Variants in TNFSF8 observed in about 807,000 individuals in gnomAD.
The protein encoded by TNFSF8 is TNF superfamily member 8, also known as tumor necrosis factor ligand superfamily member 8.
TNFSF8 carries 4 observed loss-of-function variants against 22.0 expected under a neutral mutation model. The observed-to-expected ratio is 0.18, with a 90% CI of 0.09 to 0.42. TNFSF8 has a LOEUF of 0.42. Ranked by LOEUF, TNFSF8 falls within the 10% of genes least tolerant of loss-of-function variation. The pLI is 1.00. For synonymous variants in TNFSF8, 106 were observed against 112.5 expected (o/e 0.94, Z 0.37); for missense variants, 233 against 281.8 (o/e 0.83, Z 1.24).
At chr9:114,923,713 T>G (rs1828022018) in intron 1 of TNFSF8, among the ~76,000 whole-genome samples, 1 of 152,102 alleles carries the variant, frequency 6.6e-6, no homozygotes, top group African/African-American at 2.4e-5. Context: ...AGACAGGATT[T>G]CGCCATGTTG....
In TNFSF8 at chr9:114,903,859, C is replaced by T; in HGVS notation, c.*72G>A. Reference sequence around the variant, plus strand: ...GTCTTGGTCTAAAGTTTTCTTTTTGCCCAAGTGTTTGGAGGGATGAAATAC... The same window carrying T: ...GTCTTGGTCTAAAGTTTTCTTTTTGTCCAAGTGTTTGGAGGGATGAAATAC... On this transcript the variant is annotated 3_prime_UTR_variant, in exon 4 of 4. Coordinates refer to ENST00000223795, the MANE Select transcript of TNFSF8 (RefSeq NM_001244.4). 6.6e-7 allele frequency: 1 copy of T among 1,521,020 alleles called. No homozygotes were observed. Among genetic ancestry groups the T allele is most frequent in the Non-Finnish European group, 8.8e-7 (1 of 1,139,832 alleles). The allele number at this position is 1,521,020 out of a possible 1,614,324, so 94.2% of individuals were successfully genotyped here.
intron 3 of TNFSF8, among the ~76,000 whole-genome samples, chr9:114,905,155 C>T (rs937308402): frequency 3.3e-5 from 5 of 152,210 alleles, no homozygotes; most frequent in Non-Finnish European, 7.3e-5. Context: ...TGCTTCCATG[C>T]TTTCCCTTTA....
exon 5 of TNFSF8, chr9:114,894,039 G>T: frequency 1.3e-6 from 2 of 1,486,650 alleles, no homozygotes; most frequent in Non-Finnish European, 1.8e-6. Context: ...AGTGACCCAG[G>T]GTAGAAGCAG....
intron 4 of TNFSF8, chr9:114,894,282 G>A (rs937920650): frequency 7.5e-6 from 6 of 797,758 alleles, no homozygotes; most frequent in Non-Finnish European, 1.2e-5. Context: ...CAATCATGCT[G>A]TCATAGTGAG....
At chr9:114,920,269 T>A (rs1827971374) in intron 1 of TNFSF8, among the ~76,000 whole-genome samples, 1 of 152,170 alleles carries the variant, frequency 6.6e-6, no homozygotes, top group South Asian at 2.1e-4. Context: ...ACCACAATCA[T>A]CAAATTCATC....
chr9:114,927,485 C>T (rs371210463), intron 1 of TNFSF8, among the ~76,000 whole-genome samples: 4 of 152,164 alleles, frequency 2.6e-5, no homozygotes, highest in East Asian at 3.8e-4. Context: ...CTAGGAGTGC[C>T]TCTCCTCTGC....
downstream of TNFSF8, among the ~76,000 whole-genome samples, chr9:114,897,547 CA>C: frequency 6.6e-6 from 1 of 152,168 alleles, no homozygotes; most frequent in Non-Finnish European, 1.5e-5. Context: ...AAGGTGACAG[CA>C]AGGCATTAAG....
rs1206651308 is a variant in TNFSF8, at chr9:114,904,167, C to T, written c.469G>A (p.Asp157Asn). The T allele has an allele frequency of 2.5e-6, 4 of 1,614,036 alleles. No homozygotes were observed. The highest frequency in any genetic ancestry group is 2.5e-6 in the Non-Finnish European group (3 of 1,179,992). The change falls in exon 4 of 4, where the codon GAT becomes AAT. Residue 157 changes from aspartate to asparagine, a missense_variant. Transcript: ENST00000223795. Reference sequence around the variant, plus strand: ...TTGATGAGAAGCTCCAACTTCAGATCGACAGAATTATTTGGGCATTGTACA... The same window carrying T: ...TTGATGAGAAGCTCCAACTTCAGATTGACAGAATTATTTGGGCATTGTACA... ...FLVQCPNNSV[D>N]LKLELLINKH...
downstream of TNFSF8, among the ~76,000 whole-genome samples, chr9:114,899,643 G>C (rs1256051141): frequency 4.6e-5 from 7 of 152,188 alleles, no homozygotes; most frequent in Admixed American, 2.0e-4. Flanking sequence ...TCAAACCTAT[G>C]CTAATGAGGG....
chr9:114,911,403 A>G (rs1318191756), intron 2 of TNFSF8, among the ~76,000 whole-genome samples: 4 of 152,186 alleles, frequency 2.6e-5, no homozygotes, highest in African/African-American at 7.2e-5. Flanking sequence ...CATCTAGAGG[A>G]CAGTCTCTCC....
chr9:114,929,564 T>A (rs189705951), intron 1 of TNFSF8, among the ~76,000 whole-genome samples: 8 of 152,190 alleles, frequency 5.3e-5, no homozygotes, highest in Admixed American at 5.2e-4. Context: ...CTCTTGGCAA[T>A]GGGTGAGGCC....
At chr9:114,897,236 T>G (rs1827665241), downstream of TNFSF8, among the ~76,000 whole-genome samples, 1 of 151,934 alleles carries the variant, frequency 6.6e-6, no homozygotes, top group South Asian at 2.1e-4. Flanking sequence ...AGGCTTTCAA[T>G]GAACATTTCC....
intron 2 of TNFSF8, among the ~76,000 whole-genome samples, chr9:114,914,745 G>C (rs1026217557): frequency 6.6e-6 from 1 of 151,994 alleles, no homozygotes; most frequent in South Asian, 2.1e-4. Flanking sequence ...AACCCAGAAA[G>C]GAGAAGGGTG....
chr9:114,911,164 GA>G (rs1827847826), intron 2 of TNFSF8, among the ~76,000 whole-genome samples: 1 of 152,234 alleles, frequency 6.6e-6, no homozygotes, highest in Non-Finnish European at 1.5e-5. Flanking sequence ...TCATTAAAAT[GA>G]AGCTCATGAC....
At position 114,904,138 on chromosome 9, in the gene TNFSF8, C is replaced by T. The variant is rs1339593042; in HGVS notation, c.498G>A (p.Lys166=). The stretch of plus-strand genomic sequence containing the variant: ...TCACCAGGGCCTGTTTTTTGATATG[C>T]TTGTTGATGAGAAGCTCCAACTTCA... ...VDLKLELLIN[K]HIKKQALVTV... is the part of the protein sequence containing the mutation. The change falls in exon 4 of 4, where the codon AAG becomes AAA. Residue 166 remains lysine, a synonymous_variant. Coordinates refer to ENST00000223795, the MANE Select transcript of TNFSF8 (RefSeq NM_001244.4). 1 of 1,613,932 alleles carries T rather than the reference C, an allele frequency of 6.2e-7. No individual in the cohort carries two copies. Among genetic ancestry groups the T allele is most frequent in the African/African-American group, 1.3e-5 (1 of 74,898 alleles).
Position 114,923,525 on chromosome 9 carries a change from T to TCTTTCTTTC in TNFSF8, c.196-5388_196-5387insGAAAGAAAG, listed in dbSNP as rs1554778281. Among the ~76,000 whole-genome samples the TCTTTCTTTC allele has an allele frequency of 1.4e-3, 186 of 134,524 alleles. 2 individuals are homozygous for TCTTTCTTTC. The highest frequency in any genetic ancestry group is 4.6e-3 in the African/African-American group (166 of 35,976). The allele number at this position is 134,524 out of a possible 152,430, so 88.3% of individuals were successfully genotyped here. Reference sequence around the variant, plus strand: ...TTCTTTCTTTCTTTCTTTCTTTCTTTTTTTTTTTTTGAGATGAAATCTCAC... The same window carrying TCTTTCTTTC: ...TTCTTTCTTTCTTTCTTTCTTTCTTTCTTTCTTTCTTTTTTTTTTGAGATGAAATCTCAC... On this transcript the variant is annotated intron_variant, in intron 1 of 3. Transcript: ENST00000223795.
At chr9:114,917,987 C>G (rs1271405862) in intron 2 of TNFSF8, 109 bp downstream of exon 2, 10 of 1,114,384 alleles carry the variant, frequency 9.0e-6, no homozygotes, top group Non-Finnish European at 1.3e-5. Flanking sequence ...ACCCACTTTA[C>G]TGTTGGGTCA....
At chr9:114,917,476 A>G (rs1199012775) in intron 2 of TNFSF8, among the ~76,000 whole-genome samples, 1 of 152,182 alleles carries the variant, frequency 6.6e-6, no homozygotes, top group African/African-American at 2.4e-5. Context: ...CTCATCATCG[A>G]TGTTAACTGA....
intron 1 of TNFSF8, among the ~76,000 whole-genome samples, chr9:114,926,080 T>C (rs750288472): frequency 1.3e-5 from 2 of 152,236 alleles, no homozygotes; most frequent in Admixed American, 6.5e-5. Flanking sequence ...TATTTGCATG[T>C]ACAATTGTGC....
Sources: allele counts gnomAD v4.1 joint callset (sites outside exome capture counted in the v4.1 genomes callset), GRCh38; gene constraint gnomAD v4.1.1; transcripts MANE v1.5; gene names NCBI Gene and HGNC (gene_info 2026-07-23, HGNC 2026-07-21).